The following ANTXR2 variants were observed in gnomAD, a reference collection of about 807,000 sequenced individuals.
ANTXR2 encodes the protein ANTXR cell adhesion molecule 2, also known as anthrax toxin receptor 2.
A neutral mutation model predicts 73.7 loss-of-function variants in ANTXR2; 44 were observed. That is an observed-to-expected ratio of 0.60 (90% CI 0.47 to 0.77). The LOEUF is 0.77. Ranked by LOEUF, ANTXR2 falls within the 30% of genes least tolerant of loss-of-function variation. The pLI, the probability that ANTXR2 is intolerant of heterozygous loss-of-function variation, is 0.00. For missense variants in ANTXR2, 604 were observed against 592.5 expected (o/e 1.02, Z -0.20); for synonymous variants, 217 against 205.9 (o/e 1.05, Z -0.46).
chr4:79,916,482 T>C (rs1355072132), intron 16 of ANTXR2, among the ~76,000 whole-genome samples: 3 of 152,126 alleles, frequency 2.0e-5, no homozygotes, highest in Non-Finnish European at 2.9e-5. Flanking sequence ...AATGTAGAAA[T>C]TGTTTTCTGC....
intron 16 of ANTXR2, among the ~76,000 whole-genome samples, chr4:79,925,287 C>CT (rs34138950): frequency 0.1 from 14,816 of 143,910 alleles, 809 homozygotes; most frequent in Middle Eastern, 0.16. Context: ...TCACTCTTTC[C>CT]TTTTTTTTTT....
In ANTXR2 at chr4:79,909,525, A is replaced by G. The variant is rs147817081; in HGVS notation, c.1429-2058T>C. Among the ~76,000 whole-genome samples, 163 of 136,852 alleles carry G rather than the reference A, an allele frequency of 1.2e-3. 1 individual carries two copies. The highest frequency in any genetic ancestry group is 3.3e-3 in the South Asian group (14 of 4,194). The allele number at this position is 136,852 out of a possible 152,430, so 89.8% of individuals were successfully genotyped here. On this transcript the variant is annotated intron_variant, in intron 16 of 16. Coordinates refer to ENST00000403729, the MANE Select transcript of ANTXR2 (RefSeq NM_058172.6). The stretch of plus-strand genomic sequence containing the variant: ...CATTTGATGTGGTTTAATTAAAGAT[A>G]TGGAAACTTGAAGGAAGAAAACTCT...
chr4:80,020,585 G>A (rs12646448), intron 10 of ANTXR2, among the ~76,000 whole-genome samples: 15,899 of 152,142 alleles, frequency 0.1, 1,923 homozygotes, highest in East Asian at 0.66. Flanking sequence ...CAGATGGGGG[G>A]CAGGAGGCCC....
At chr4:79,926,796 A>T (rs1727796656) in intron 16 of ANTXR2, among the ~76,000 whole-genome samples, 1 of 152,046 alleles carries the variant, frequency 6.6e-6, no homozygotes, top group African/African-American at 2.4e-5. Flanking sequence ...TTACAGCCTT[A>T]TTCACAGTAG....
At chr4:79,993,750 A>ACACACACGCGCGCGCG (rs1256143887) in intron 12 of ANTXR2, among the ~76,000 whole-genome samples, 3 of 78,026 alleles carry the variant, frequency 3.8e-5, no homozygotes, top group South Asian at 5.9e-4. Context: ...TACACCACAC[A>ACACACACGCGCGCGCG]CACACACACG....
chr4:80,015,129 T>C (rs1259434809), intron 11 of ANTXR2, among the ~76,000 whole-genome samples: 2 of 152,220 alleles, frequency 1.3e-5, no homozygotes, highest in African/African-American at 4.8e-5. Flanking sequence ...AAATTTTTAC[T>C]TCCAGCCCTG....
chr4:79,977,856 T>A, intron 15 of ANTXR2, 151 bp downstream of exon 15: 1 of 1,207,030 alleles, frequency 8.3e-7, no homozygotes, highest in Non-Finnish European at 1.2e-6. Context: ...GAGGTTCTTA[T>A]TGCCAAGAAA....
intron 12 of ANTXR2, among the ~76,000 whole-genome samples, chr4:79,993,750 A>ACACACACACGCG (rs1730588467): frequency 1.3e-5 from 1 of 78,028 alleles, no homozygotes; most frequent in African/African-American, 3.6e-5. Flanking sequence ...TACACCACAC[A>ACACACACACGCG]CACACACACG....
intron 12 of ANTXR2, among the ~76,000 whole-genome samples, chr4:80,001,484 T>C (rs1224204318): frequency 6.6e-6 from 1 of 151,960 alleles, no homozygotes; most frequent in Admixed American, 6.6e-5. Flanking sequence ...CAATTGCTTG[T>C]ACCCTATAAA....
At chr4:79,908,851 G>A (rs909993952) in intron 16 of ANTXR2, among the ~76,000 whole-genome samples, 1 of 152,110 alleles carries the variant, frequency 6.6e-6, no homozygotes, top group Non-Finnish European at 1.5e-5. Context: ...TGCATATTAA[G>A]TGAAGAGGTG....
intron 2 of ANTXR2, 75 bp downstream of exon 2, chr4:80,071,508 A>G: frequency 7.7e-7 from 1 of 1,296,270 alleles, no homozygotes; most frequent in East Asian, 2.3e-5. Context: ...TTTCCTATAA[A>G]AGGTTTCAGA....
chr4:80,013,520 A>G (rs1731697464), intron 11 of ANTXR2, among the ~76,000 whole-genome samples: 1 of 152,236 alleles, frequency 6.6e-6, no homozygotes, highest in Non-Finnish European at 1.5e-5. Flanking sequence ...TGACTACAAT[A>G]ATAGTGTTCT....
At chr4:79,985,960 G>T (rs773605850) in intron 12 of ANTXR2, among the ~76,000 whole-genome samples, 2 of 150,036 alleles carry the variant, frequency 1.3e-5, no homozygotes, top group Non-Finnish European at 2.9e-5. Context: ...TCCTATCTCA[G>T]CATCTGGAGT....
chr4:80,036,694 G>A (rs1328582382), intron 7 of ANTXR2, among the ~76,000 whole-genome samples: 1 of 152,014 alleles, frequency 6.6e-6, no homozygotes, highest in Non-Finnish European at 1.5e-5. Context: ...CCAGCTACTC[G>A]GGAGGCTGAG....
At chr4:79,994,795 C>T (rs540667584) in intron 12 of ANTXR2, among the ~76,000 whole-genome samples, 2 of 152,012 alleles carry the variant, frequency 1.3e-5, no homozygotes, top group African/African-American at 2.4e-5. Context: ...TTCTCTTCAC[C>T]GGAGGTCCTT....
chr4:79,920,274 T>G (rs920752736), intron 16 of ANTXR2, among the ~76,000 whole-genome samples: 2 of 152,098 alleles, frequency 1.3e-5, no homozygotes, highest in African/African-American at 4.8e-5. Context: ...GTCTGGGACA[T>G]ATTATGCCAA....
At chr4:79,966,749 T>G (rs1168537311) in intron 16 of ANTXR2, among the ~76,000 whole-genome samples, 1 of 152,208 alleles carries the variant, frequency 6.6e-6, no homozygotes, top group African/African-American at 2.4e-5. Context: ...TTTTGGATAA[T>G]ACTATTTTTA....
At chr4:79,929,760 C>A (rs1213528857) in intron 16 of ANTXR2, among the ~76,000 whole-genome samples, 2 of 151,964 alleles carry the variant, frequency 1.3e-5, no homozygotes, top group Non-Finnish European at 2.9e-5. Flanking sequence ...AGCAGGGAAA[C>A]CAGTTACAAA....
chr4:79,996,351 A>ATGGATGGG (rs1730729149), intron 12 of ANTXR2, among the ~76,000 whole-genome samples: 2 of 151,868 alleles, frequency 1.3e-5, no homozygotes, highest in South Asian at 4.2e-4. Context: ...GGATGGATGG[A>ATGGATGGG]TGGATGAATG....
Sources: allele counts gnomAD v4.1 joint callset (sites outside exome capture counted in the v4.1 genomes callset), GRCh38; gene constraint gnomAD v4.1.1; transcripts MANE v1.5; gene names NCBI Gene and HGNC (gene_info 2026-07-23, HGNC 2026-07-21).